The following KPNA5 variants were observed in gnomAD, a reference collection of about 807,000 sequenced individuals.
KPNA5 encodes karyopherin subunit alpha 5.
KPNA5 carries 46 observed loss-of-function variants against 71.3 expected under a neutral mutation model. The ratio of observed to expected loss-of-function variants is 0.65; its 90% confidence interval spans 0.51 to 0.83. KPNA5 has a LOEUF of 0.83. Among genes scored for constraint, KPNA5 ranks in the 40% least tolerant of loss-of-function variants. The pLI is 0.00. For missense variants in KPNA5, 547 were observed against 628.3 expected (o/e 0.87, Z 1.38); for synonymous variants, 207 against 201.4 (o/e 1.03, Z -0.24).
Position 116,705,130 on chromosome 6 carries a change from T to G in KPNA5, c.626T>G (p.Leu209Trp), listed in dbSNP as rs1273718021. 2 of 1,612,662 alleles carry G rather than the reference T, an allele frequency of 1.2e-6. No homozygotes were observed. The highest frequency in any genetic ancestry group is 3.3e-5 in the Admixed American group (2 of 60,008). The part of the protein sequence containing the change: ...GDNAECRDFV[L>W]NCEILPPLLE... ...AATGCAGAATGCAGAGATTTTGTTT[T>G]GAATTGTGAAATACTTCCACCTCTT... The change falls in exon 7 of 14, where the codon TTG becomes TGG. Residue 209 changes from leucine to tryptophan, a missense_variant. By Grantham distance (61) the Leu-to-Trp change is moderately conservative. Transcript: ENST00000368564.
intron 6 of KPNA5, 131 bp downstream of exon 6, chr6:116,702,281 T>G: frequency 1.1e-6 from 1 of 933,178 alleles, no homozygotes; most frequent in Non-Finnish European, 1.6e-6. Flanking sequence ...TAGTAGTGTT[T>G]TGGTGTTAAG....
chr6:116,732,961 A>T lies in KPNA5; in HGVS notation c.*638A>T, dbSNP rs982951628. On this transcript the variant is annotated 3_prime_UTR_variant, in exon 14 of 14. Transcript: ENST00000368564. ...ACTGATAATCCATTAAAATGTGGCA[A>T]TTGTGAAGGGAGAAGCTGTTTTTCA... The T allele has an allele frequency of 6.6e-6, 1 of 151,906 alleles. No individual in the cohort carries two copies. Among genetic ancestry groups the T allele is most frequent in the Non-Finnish European group, 1.5e-5 (1 of 67,848 alleles). The allele number at this position is 151,906 out of a possible 1,614,324, so 9.4% of individuals were successfully genotyped here.
intron 7 of KPNA5, among the ~76,000 whole-genome samples, chr6:116,714,710 C>T (rs765013097): frequency 1.3e-5 from 2 of 152,130 alleles, no homozygotes; most frequent in Non-Finnish European, 2.9e-5. Context: ...ACATCTCATT[C>T]ATTTGCCTTT....
At position 116,724,358 on chromosome 6, in the gene KPNA5, G is replaced by C. The variant is rs1583443531; in HGVS notation, c.982G>C (p.Asp328His). Residue 328 changes from aspartate to histidine, a missense_variant, in exon 10 of 14, where the codon GAT becomes CAT. Coordinates refer to ENST00000368564, the MANE Select transcript of KPNA5 (RefSeq NM_001366306.2). ...GGCAGTTGGTAATATTGTGACTGGT[G>C]ATGATATTCAAACACAGGTGAGTTC... ...LRAVGNIVTG[D>H]DIQTQVILNC... 6.2e-7 allele frequency: 1 copy of C among 1,609,884 alleles called. No homozygotes were observed. The highest frequency in any genetic ancestry group is 8.5e-7 in the Non-Finnish European group (1 of 1,176,438).
chr6:116,692,212 TG>T (rs1777829566), intron 3 of KPNA5, 56 bp downstream of exon 3: 1 of 1,431,364 alleles, frequency 7.0e-7, no homozygotes, highest in Non-Finnish European at 9.7e-7. Flanking sequence ...AGCAATAGTA[TG>T]TATAACAAAT....
chr6:116,703,158 T>C (rs917461004), intron 6 of KPNA5, among the ~76,000 whole-genome samples: 1 of 152,330 alleles, frequency 6.6e-6, no homozygotes. Flanking sequence ...TTCTAGCTTA[T>C]TGGTGGTGTT....
chr6:116,702,185 A>C, intron 6 of KPNA5, 35 bp downstream of exon 6: 1 of 1,587,070 alleles, frequency 6.3e-7, no homozygotes. Context: ...TATGTACTAG[A>C]ATTCAGTTTT....
chr6:116,687,601 T>C (rs1777639604), intron 1 of KPNA5, among the ~76,000 whole-genome samples: 1 of 152,200 alleles, frequency 6.6e-6, no homozygotes, highest in African/African-American at 2.4e-5. Flanking sequence ...AGCCGATATG[T>C]AAACACAACA....
At chr6:116,716,176 A>AT (rs1304604482) in intron 7 of KPNA5, 43 bp from the exon 8 acceptor site, 1 of 1,445,572 alleles carries the variant, frequency 6.9e-7, no homozygotes, top group African/African-American at 1.4e-5. Context: ...AAGAGGAAAA[A>AT]TGAATGTAAG....
rs780432249 is a variant in KPNA5, at chr6:116,705,077, T to C, written c.573T>C (p.Val191=). ...SEHEDVQEQA[V]WALGNIAGDN... is the part of the protein sequence containing the mutation. Reference sequence around the variant, plus strand: ...TAATTTTTTTTTTTCCTAAGGCTGTTTGGGCACTTGGTAATATTGCTGGTG... The same window carrying C: ...TAATTTTTTTTTTTCCTAAGGCTGTCTGGGCACTTGGTAATATTGCTGGTG... The change falls in exon 7 of 14, where the codon GTT becomes GTC. Residue 191 remains valine, a synonymous_variant. Transcript: ENST00000368564. 5 of 1,610,440 alleles carry C rather than the reference T, an allele frequency of 3.1e-6. No individual in the cohort carries two copies. In the African/African-American group the frequency reaches 6.7e-5, roughly 22 times the overall value.
In KPNA5 at chr6:116,701,339, A is replaced by G. The variant is rs370697636; in HGVS notation, c.436-680A>G. ...GTGGATTTGTAGGTTGTTTTCAGTAATTCACTAGTTCATTGTTTTGGAGCC... is the reference window on the plus strand; with the variant it reads ...GTGGATTTGTAGGTTGTTTTCAGTAGTTCACTAGTTCATTGTTTTGGAGCC... On this transcript the variant is annotated intron_variant, in intron 5 of 13. Transcript: ENST00000368564. 5.9e-5 allele frequency among the ~76,000 whole-genome samples: 9 copies of G among 152,292 alleles called. No individual in the cohort carries two copies. In the East Asian group the frequency reaches 1.7e-3, roughly 29 times the overall value.
chr6:116,725,212 T>C (rs1270697570), intron 10 of KPNA5, among the ~76,000 whole-genome samples: 1 of 152,204 alleles, frequency 6.6e-6, no homozygotes, highest in Non-Finnish European at 1.5e-5. Flanking sequence ...ATGTAAATCA[T>C]TGGAGTATTT....
In KPNA5 at chr6:116,732,146, A is replaced by T; in HGVS notation, c.1443A>T (p.Lys481Asn). 1 of 1,430,864 alleles carries T rather than the reference A, an allele frequency of 7.0e-7. No individual in the cohort carries two copies. Among genetic ancestry groups the T allele is most frequent in the Non-Finnish European group, 9.4e-7 (1 of 1,060,334 alleles). The allele number at this position is 1,430,864 out of a possible 1,614,324, so 88.6% of individuals were successfully genotyped here. ...ALIEEAYGLD[K>N]IEFLQSHENQ... is the part of the protein sequence containing the mutation. ...TACTTTGTATAACAGGTCTGGATAA[A>T]ATTGAGTTTTTGCAAAGCCATGAAA... The change falls in exon 14 of 14, where the codon AAA becomes AAT. Residue 481 changes from lysine (K) to asparagine (N), a missense_variant. Coordinates refer to ENST00000368564, the MANE Select transcript of KPNA5 (RefSeq NM_001366306.2).
intron 13 of KPNA5, 64 bp from the exon 14 acceptor site, chr6:116,732,072 G>GTT (rs199769819): frequency 0.019 from 1,288 of 69,166 alleles, 132 homozygotes; most frequent in African/African-American, 0.057. Context: ...GTAACAGTTT[G>GTT]TTTATATATA....
intron 6 of KPNA5, among the ~76,000 whole-genome samples, chr6:116,702,791 TTTG>T (rs1778279411): frequency 6.6e-6 from 1 of 152,256 alleles, no homozygotes; most frequent in Non-Finnish European, 1.5e-5. Flanking sequence ...TGTAGATTAT[TTTG>T]TTGTTTGTTT....
chr6:116,716,321 A>ACAT lies in KPNA5; in HGVS notation c.756+3_756+4insCAT. The ACAT allele has an allele frequency of 6.4e-7, 1 of 1,556,760 alleles. No individual in the cohort carries two copies. Among genetic ancestry groups the ACAT allele is most frequent in the Non-Finnish European group, 8.8e-7 (1 of 1,130,738 alleles). ...ACCCTCCTCCAAACTTTAGTAAGGT[A>ACAT]TGAGTAAAATACACAAATTAAAATA... On this transcript the variant is annotated splice_donor_region_variant and intron_variant, in intron 8 of 13. Transcript: ENST00000368564.
intron 7 of KPNA5, among the ~76,000 whole-genome samples, chr6:116,708,025 C>T (rs973120169): frequency 2.6e-5 from 4 of 152,212 alleles, no homozygotes; most frequent in Admixed American, 2.6e-4. Flanking sequence ...ACCTTTGTGT[C>T]TGGCTTCTTT....
intron 12 of KPNA5, 52 bp from the exon 13 acceptor site, chr6:116,729,511 G>T: frequency 8.3e-7 from 1 of 1,199,270 alleles, no homozygotes; most frequent in Non-Finnish European, 1.1e-6. Flanking sequence ...CAGTACTTAA[G>T]TCTTTTTAAA....
intron 7 of KPNA5, among the ~76,000 whole-genome samples, chr6:116,713,182 A>G (rs1778767989): frequency 6.6e-6 from 1 of 152,114 alleles, no homozygotes; most frequent in African/African-American, 2.4e-5. Flanking sequence ...ATTTCTTTGT[A>G]TGGTTTTGAG....
Sources: gnomAD v4.1 joint callset for allele counts (sites outside exome capture counted in the v4.1 genomes callset) on GRCh38, gnomAD v4.1.1 for gene constraint, MANE v1.5 for transcripts, NCBI Gene and HGNC (gene_info 2026-07-23, HGNC 2026-07-21) for gene names.